Variants in PRKCE observed in about 807,000 individuals in gnomAD.
PRKCE encodes protein kinase C epsilon.
Under a neutral mutation model 85.4 loss-of-function variants are expected in PRKCE, and 16 were observed. The ratio of observed to expected loss-of-function variants is 0.19; its 90% CI spans 0.13 to 0.28. The LOEUF (loss-of-function observed/expected upper bound fraction) is 0.28, where lower values mean the gene tolerates loss of function less well. PRKCE is among the 10% of genes least tolerant of loss of function. The pLI, the probability that PRKCE is intolerant of heterozygous loss-of-function variation, is 1.00. For synonymous variants in PRKCE, 388 were observed against 371.5 expected (o/e 1.04, Z -0.51); for missense variants, 573 against 975.2 (o/e 0.59, Z 5.49).
At chr2:45,726,015 A>G (rs899040293) in intron 1 of PRKCE, among the ~76,000 whole-genome samples, 23 of 152,174 alleles carry the variant, frequency 1.5e-4, no homozygotes, top group Non-Finnish European at 3.1e-4. Context: ...TAGCAAGAGA[A>G]CTAGAATTAG....
intron 2 of PRKCE, among the ~76,000 whole-genome samples, chr2:45,919,867 T>C (rs1992934): frequency 0.99 from 151,270 of 152,362 alleles, 75,092 homozygotes; most frequent in East Asian, 1. Context: ...TGCAGGACAT[T>C]CTCATGGCTC....
chr2:45,795,753 G>A (rs1687388622), intron 1 of PRKCE, among the ~76,000 whole-genome samples: 1 of 152,158 alleles, frequency 6.6e-6, no homozygotes, highest in Non-Finnish European at 1.5e-5. Flanking sequence ...TCCTGGGATT[G>A]GCCACTATGT....
At chr2:45,807,742 A>AC (rs1219646810) in intron 1 of PRKCE, among the ~76,000 whole-genome samples, 2 of 151,502 alleles carry the variant, frequency 1.3e-5, no homozygotes, top group Non-Finnish European at 2.9e-5. Flanking sequence ...AAATTCTGAG[A>AC]CCCCCATCTC....
chr2:46,087,734 T>C (rs1669778271), intron 11 of PRKCE, among the ~76,000 whole-genome samples: 1 of 152,218 alleles, frequency 6.6e-6, no homozygotes, highest in Non-Finnish European at 1.5e-5. Flanking sequence ...CTTACCTACA[T>C]GCCCTGGTCA....
chr2:45,722,119 A>C (rs1680675373), intron 1 of PRKCE, among the ~76,000 whole-genome samples: 1 of 152,170 alleles, frequency 6.6e-6, no homozygotes. Context: ...AGCCCATTGC[A>C]TGTTAACACA....
intron 2 of PRKCE, among the ~76,000 whole-genome samples, chr2:45,848,084 C>A (rs1448096450): frequency 6.6e-6 from 1 of 152,182 alleles, no homozygotes; most frequent in African/African-American, 2.4e-5. Flanking sequence ...AGCAGTACCT[C>A]CAGGGCTGAA....
intron 1 of PRKCE, among the ~76,000 whole-genome samples, chr2:45,748,122 A>C (rs1177784925): frequency 2.6e-5 from 4 of 152,208 alleles, no homozygotes; most frequent in Non-Finnish European, 5.9e-5. Context: ...GAGGGAACAC[A>C]TTGACAACCA....
At chr2:46,014,394 C>A (rs1180107312) in intron 10 of PRKCE, among the ~76,000 whole-genome samples, 2 of 152,094 alleles carry the variant, frequency 1.3e-5, no homozygotes, top group Admixed American at 6.5e-5. Flanking sequence ...GGACATAATT[C>A]TTATTTTATA....
At chr2:46,032,837 G>T (rs952689603) in intron 10 of PRKCE, among the ~76,000 whole-genome samples, 1 of 152,236 alleles carries the variant, frequency 6.6e-6, no homozygotes, top group Non-Finnish European at 1.5e-5. Flanking sequence ...GATATCGAAA[G>T]ATTTCATGTT....
chr2:45,881,194 C>A (rs1413993533), intron 2 of PRKCE, among the ~76,000 whole-genome samples: 1 of 151,086 alleles, frequency 6.6e-6, no homozygotes, highest in Non-Finnish European at 1.5e-5. Context: ...TATTTGCCTT[C>A]AGAGCCTGCA....
chr2:45,981,966 C>G (rs986630523), intron 5 of PRKCE, among the ~76,000 whole-genome samples: 15 of 152,248 alleles, frequency 9.9e-5, no homozygotes, highest in African/African-American at 2.9e-4. Flanking sequence ...CAGAACCCAG[C>G]TTGATCTGTG....
chr2:45,888,698 C>T (rs767409895), intron 2 of PRKCE, among the ~76,000 whole-genome samples: 42 of 152,062 alleles, frequency 2.8e-4, no homozygotes, highest in Non-Finnish European at 4.9e-4. Context: ...GTGATCCACC[C>T]GCTTTGGCCT....
intron 2 of PRKCE, among the ~76,000 whole-genome samples, chr2:45,855,856 C>T (rs4953274): frequency 0.18 from 27,727 of 151,958 alleles, 2,850 homozygotes; most frequent in East Asian, 0.31. Context: ...TGTTTTGCCC[C>T]TGTGAGGAGG....
chr2:45,741,912 G>A (rs78909715), intron 1 of PRKCE, among the ~76,000 whole-genome samples: 1 of 152,368 alleles, frequency 6.6e-6, no homozygotes, highest in Non-Finnish European at 1.5e-5. Flanking sequence ...GAAGTCCCCT[G>A]TAATGCTTGT....
chr2:45,866,291 A>G (rs1014757405), intron 2 of PRKCE, among the ~76,000 whole-genome samples: 1 of 152,010 alleles, frequency 6.6e-6, no homozygotes, highest in Non-Finnish European at 1.5e-5. Flanking sequence ...TATTTATTTA[A>G]TTAATTAATT....
intron 1 of PRKCE, among the ~76,000 whole-genome samples, chr2:45,839,262 C>T (rs1448005271): frequency 8.5e-5 from 13 of 152,078 alleles, no homozygotes; most frequent in African/African-American, 3.1e-4. Flanking sequence ...TGCCTGAGGT[C>T]ACTCAGCTGA....
chr2:45,947,802 G>A (rs1286654269), intron 2 of PRKCE, among the ~76,000 whole-genome samples: 4 of 152,154 alleles, frequency 2.6e-5, no homozygotes, highest in Non-Finnish European at 4.4e-5. Flanking sequence ...GAATTAAAAC[G>A]TTTCTTTAGG....
chr2:45,754,380 TAAG>T (rs575061082), intron 1 of PRKCE, among the ~76,000 whole-genome samples: 53 of 152,346 alleles, frequency 3.5e-4, no homozygotes, highest in African/African-American at 1.3e-3. Flanking sequence ...TTGCCTGGGG[TAAG>T]AAGAGGAGTT....
chr2:45,855,552 A>G (rs1692604210), intron 2 of PRKCE, among the ~76,000 whole-genome samples: 4 of 152,348 alleles, frequency 2.6e-5, no homozygotes, highest in Admixed American at 2.6e-4. Flanking sequence ...GGAGTTTGTT[A>G]AAACACAGTG....
Sources: allele counts gnomAD v4.1 joint callset (sites outside exome capture counted in the v4.1 genomes callset), GRCh38; gene constraint gnomAD v4.1.1; transcripts MANE v1.5; gene names NCBI Gene and HGNC (gene_info 2026-07-23, HGNC 2026-07-21).